Variants in USP15 observed in about 807,000 individuals in gnomAD.
USP15 encodes the protein ubiquitin carboxyl-terminal hydrolase 15.
Under a neutral mutation model 127.1 loss-of-function variants are expected in USP15, and 18 were observed. The observed-to-expected ratio is 0.14, with a 90% CI of 0.10 to 0.21. The LOEUF (loss-of-function observed/expected upper bound fraction) is 0.21, where lower values mean the gene tolerates loss of function less well. Ranked by LOEUF, USP15 falls within the 10% of genes least tolerant of loss-of-function variation. The pLI is 1.00. For synonymous variants in USP15, 364 were observed against 393.7 expected (o/e 0.92, Z 0.89); for missense variants, 805 against 1,159.9 (o/e 0.69, Z 4.44).
chr12:62,349,976 C>A (rs1271389658), intron 7 of USP15, among the ~76,000 whole-genome samples: 3 of 150,882 alleles, frequency 2.0e-5, no homozygotes, highest in African/African-American at 7.3e-5. Context: ...TGTAATTAGC[C>A]CAAATTGTGG....
intron 8 of USP15, among the ~76,000 whole-genome samples, chr12:62,358,922 C>T (rs2066225443): frequency 6.6e-6 from 1 of 151,934 alleles, no homozygotes; most frequent in Non-Finnish European, 1.5e-5. Context: ...TTTGGTATCC[C>T]CAAGGTGGAG....
At chr12:62,333,721 G>A (rs1703180644) in intron 6 of USP15, among the ~76,000 whole-genome samples, 1 of 152,056 alleles carries the variant, frequency 6.6e-6, no homozygotes, top group African/African-American at 2.4e-5. Context: ...TAATGAAATA[G>A]CCAAACAAAA....
chr12:62,356,001 C>G (rs886771933), intron 8 of USP15, among the ~76,000 whole-genome samples: 9 of 150,106 alleles, frequency 6.0e-5, no homozygotes, highest in African/African-American at 1.7e-4. Context: ...TTTCTTTCTG[C>G]TCTAGTCTAT....
At chr12:62,287,339 T>A (rs1007087357) in intron 1 of USP15, among the ~76,000 whole-genome samples, 4 of 152,206 alleles carry the variant, frequency 2.6e-5, no homozygotes, top group East Asian at 1.9e-4. Flanking sequence ...AAATTTAAAA[T>A]TTTTTAAAAC....
At chr12:62,397,916 T>C (rs2067546960) in intron 20 of USP15, among the ~76,000 whole-genome samples, 1 of 151,852 alleles carries the variant, frequency 6.6e-6, no homozygotes. Flanking sequence ...TTCAAAGAAT[T>C]ACTTTTCATC....
chr12:62,355,609 C>T lies in USP15; in HGVS notation c.915+134C>T, dbSNP rs146783495. On this transcript the variant is annotated intron_variant, in intron 8 of 21. Coordinates refer to ENST00000280377, the MANE Select transcript of USP15 (RefSeq NM_001252078.2). ...ATTTTTCATGGAAGATTTAAGCATA[C>T]ATATTTGACTTATTCATTCTACTAC... The T allele has an allele frequency of 3.3e-5, 33 of 1,002,026 alleles. No individual in the cohort carries two copies. In the East Asian group the frequency reaches 7.1e-4, roughly 22 times the overall value. The allele number at this position is 1,002,026 out of a possible 1,614,324, so 62.1% of individuals were successfully genotyped here. A position where few individuals can be genotyped will look rare whatever the true frequency, so the allele number is the denominator to read the frequency against.
At position 62,355,336 on chromosome 12, in the gene USP15, AAAACTC is replaced by A; in HGVS notation, c.780_785del (p.Ser261_Asn262del). ...GAAAATTTTTTTTCTTCCAGTGTGA[AAAACTC>A]AAATTACTGTCTTCCATCATATACC... On this transcript the variant is annotated inframe_deletion, in exon 8 of 22. Transcript: ENST00000280377. The A allele has an allele frequency of 1.3e-6, 2 of 1,586,762 alleles. No individual in the cohort carries two copies. The highest frequency in any genetic ancestry group is 1.7e-6 in the Non-Finnish European group (2 of 1,170,202).
At chr12:62,284,678 T>G (rs1196856496) in intron 1 of USP15, among the ~76,000 whole-genome samples, 1 of 152,150 alleles carries the variant, frequency 6.6e-6, no homozygotes, top group East Asian at 1.9e-4. Flanking sequence ...AACCTTTATC[T>G]TTACCTTTGA....
chr12:62,383,363 C>G (rs2067047627), intron 9 of USP15, among the ~76,000 whole-genome samples: 1 of 151,884 alleles, frequency 6.6e-6, no homozygotes, highest in Non-Finnish European at 1.5e-5. Context: ...ACATTGAACT[C>G]ACAGCAAACA....
intron 7 of USP15, chr12:62,354,989 G>A (rs1359757726): frequency 6.2e-6 from 1 of 160,662 alleles, no homozygotes; most frequent in Admixed American, 6.4e-5. Flanking sequence ...TTGTTGCTGC[G>A]GGTGGTATTT....
At chr12:62,390,094 G>A (rs1241842112) in intron 14 of USP15, 106 bp downstream of exon 14, 1 of 1,167,684 alleles carries the variant, frequency 8.6e-7, no homozygotes, top group African/African-American at 1.5e-5. Context: ...AATTATTCAA[G>A]TCTGTATTAT....
chr12:62,308,892 C>T (rs935421324), intron 3 of USP15, among the ~76,000 whole-genome samples: 3 of 151,948 alleles, frequency 2.0e-5, no homozygotes, highest in Non-Finnish European at 4.4e-5. Context: ...TTAAGTAATC[C>T]TTGAGGCAAA....
At chr12:62,326,165 G>A (rs771450409) in intron 6 of USP15, among the ~76,000 whole-genome samples, 8 of 152,036 alleles carry the variant, frequency 5.3e-5, no homozygotes, top group Non-Finnish European at 1.5e-5. Context: ...ATAAATGTAT[G>A]GTATAAATGA....
At chr12:62,358,133 T>C (rs754820853) in intron 8 of USP15, among the ~76,000 whole-genome samples, 7 of 151,898 alleles carry the variant, frequency 4.6e-5, no homozygotes, top group Non-Finnish European at 1.0e-4. Context: ...TTTCAGCACA[T>C]CAGGTGGTAT....
intron 3 of USP15, among the ~76,000 whole-genome samples, chr12:62,311,128 G>T (rs2064666756): frequency 6.6e-6 from 1 of 151,668 alleles, no homozygotes; most frequent in East Asian, 1.9e-4. Context: ...ATCCTCTGTT[G>T]GATGAATAGC....
At chr12:62,265,490 G>C (rs959635380) in intron 1 of USP15, among the ~76,000 whole-genome samples, 2 of 152,180 alleles carry the variant, frequency 1.3e-5, no homozygotes, top group Non-Finnish European at 2.9e-5. Context: ...AACCCAAGTA[G>C]TTTAGGTCTT....
intron 6 of USP15, among the ~76,000 whole-genome samples, chr12:62,341,610 A>G (rs945068880): frequency 3.3e-5 from 5 of 152,132 alleles, no homozygotes; most frequent in African/African-American, 1.2e-4. Flanking sequence ...CTTGTCTGGA[A>G]AGGATTTTAT....
intron 1 of USP15, among the ~76,000 whole-genome samples, chr12:62,289,236 G>GTTGTTA (rs2063877808): frequency 6.6e-6 from 1 of 151,816 alleles, no homozygotes; most frequent in African/African-American, 2.4e-5. Context: ...TGTTGTTGTT[G>GTTGTTA]TTGTTGTTGG....
intron 2 of USP15, among the ~76,000 whole-genome samples, chr12:62,296,793 G>A (rs1483522807): frequency 6.6e-6 from 1 of 152,138 alleles, no homozygotes; most frequent in Non-Finnish European, 1.5e-5. Flanking sequence ...AGGAGTCTTA[G>A]CTTAGTCTCA....
Sources: gnomAD v4.1 joint callset for allele counts (sites outside exome capture counted in the v4.1 genomes callset) on GRCh38, gnomAD v4.1.1 for gene constraint, MANE v1.5 for transcripts, NCBI Gene and HGNC (gene_info 2026-07-23, HGNC 2026-07-21) for gene names.